The following PYHIN1 variants were observed in gnomAD, a reference collection of about 807,000 sequenced individuals.
The protein encoded by PYHIN1 is pyrin and HIN domain family member 1.
A neutral mutation model predicts 43.7 loss-of-function variants in PYHIN1; 32 were observed. The observed-to-expected ratio is 0.73, with a 90% CI of 0.55 to 0.98. The LOEUF (loss-of-function observed/expected upper bound fraction) is 0.98, where lower values mean the gene tolerates loss of function less well. Among genes scored for constraint, PYHIN1 ranks in the 50% least tolerant of loss-of-function variants. The pLI, the probability that PYHIN1 is intolerant of heterozygous loss-of-function variation, is 0.00. For synonymous variants in PYHIN1, 205 were observed against 203.1 expected (o/e 1.01, Z -0.08); for missense variants, 588 against 589.5 (o/e 1.00, Z 0.03).
downstream of PYHIN1, among the ~76,000 whole-genome samples, chr1:158,978,274 CATAT>C (rs57749637): frequency 0.043 from 6,546 of 150,776 alleles, 474 homozygotes; most frequent in African/African-American, 0.15. Context: ...TGTGTCTATA[CATAT>C]ATATATATAT....
chr1:158,960,731 C>T (rs771167257), intron 7 of PYHIN1, among the ~76,000 whole-genome samples: 1 of 152,158 alleles, frequency 6.6e-6, no homozygotes, highest in Non-Finnish European at 1.5e-5. Flanking sequence ...AAGCCAAAAA[C>T]TCAAATTGAC....
At chr1:158,934,059 T>A (rs1557819892) in intron 1 of PYHIN1, among the ~76,000 whole-genome samples, 1 of 152,164 alleles carries the variant, frequency 6.6e-6, no homozygotes, top group African/African-American at 2.4e-5. Flanking sequence ...TTTAAAATTA[T>A]TTTTTCCTTC....
chr1:158,939,938 A>G (rs1007245891), intron 4 of PYHIN1: 1 of 165,258 alleles, frequency 6.1e-6, no homozygotes, highest in Non-Finnish European at 1.3e-5. Flanking sequence ...TGCTCAACGA[A>G]AAAATGAAAA....
At chr1:158,972,903 T>A (rs1436799098) in intron 7 of PYHIN1, among the ~76,000 whole-genome samples, 1 of 152,108 alleles carries the variant, frequency 6.6e-6, no homozygotes, top group Non-Finnish European at 1.5e-5. Flanking sequence ...TAATTGAGAT[T>A]ATATATGCTA....
intron 7 of PYHIN1, among the ~76,000 whole-genome samples, chr1:158,960,998 A>C (rs1289116222): frequency 6.6e-6 from 1 of 152,200 alleles, no homozygotes; most frequent in Non-Finnish European, 1.5e-5. Flanking sequence ...GAGAAAGGTA[A>C]ACAGGGAGTA....
chr1:158,970,937 G>T (rs571402566), intron 7 of PYHIN1, among the ~76,000 whole-genome samples: 98 of 152,064 alleles, frequency 6.4e-4, no homozygotes, highest in Middle Eastern at 3.4e-3. Flanking sequence ...AGCTAATAAA[G>T]ATAATTAGTA....
chr1:158,982,333 G>T, the PYHIN1 span, among the ~76,000 whole-genome samples: 2 of 151,968 alleles, frequency 1.3e-5, no homozygotes, highest in African/African-American at 2.4e-5. Flanking sequence ...TGAAAGGAAG[G>T]GTTCCAGTTT....
chr1:158,983,414 T>C, the PYHIN1 span, among the ~76,000 whole-genome samples: 18 of 152,200 alleles, frequency 1.2e-4, no homozygotes, highest in African/African-American at 3.6e-4. Flanking sequence ...TTTTTGTTTT[T>C]AGTTCTGTTT....
At chr1:158,952,889 G>A (rs1447472853) in intron 7 of PYHIN1, among the ~76,000 whole-genome samples, 9 of 152,210 alleles carry the variant, frequency 5.9e-5, no homozygotes, top group African/African-American at 1.7e-4. Context: ...GCAGGTCAGT[G>A]GGTGCACGCA....
At chr1:158,939,311 C>A in intron 4 of PYHIN1, 64 bp downstream of exon 4, 1 of 1,583,770 alleles carries the variant, frequency 6.3e-7, no homozygotes, top group Non-Finnish European at 8.6e-7. Context: ...AATCTGATTT[C>A]ATCTTCTACT....
At chr1:158,981,688 T>G (rs1206665274), downstream of PYHIN1, among the ~76,000 whole-genome samples, 2 of 152,168 alleles carry the variant, frequency 1.3e-5, no homozygotes, top group Admixed American at 6.5e-5. Flanking sequence ...GCTAGCTGTA[T>G]GAAGAAAATT....
At chr1:158,938,204 A>C (rs1571721023) in intron 2 of PYHIN1, among the ~76,000 whole-genome samples, 193 bp from the exon 3 acceptor site, 1 of 152,138 alleles carries the variant, frequency 6.6e-6, no homozygotes, top group Non-Finnish European at 1.5e-5. Context: ...AGCACTGAGG[A>C]GTGTGAGTCA....
At chr1:158,946,973 G>A (rs370312312) in intron 7 of PYHIN1, among the ~76,000 whole-genome samples, 6 of 152,234 alleles carry the variant, frequency 3.9e-5, no homozygotes, top group East Asian at 3.9e-4. Context: ...AAACTGCAGT[G>A]AAGAACTCAT....
At chr1:158,941,512 G>T (rs80056961) in intron 4 of PYHIN1, among the ~76,000 whole-genome samples, 2,763 of 152,266 alleles carry the variant, frequency 0.018, 113 homozygotes, top group African/African-American at 0.063. Context: ...GCTAAAAATT[G>T]CCCTGTCTAC....
At chr1:158,952,845 A>G (rs856091) in intron 7 of PYHIN1, among the ~76,000 whole-genome samples, 141,613 of 152,280 alleles carry the variant, frequency 0.93, 66,684 homozygotes, top group East Asian at 1. Flanking sequence ...TGAGGTACCG[A>G]GTTCATCTCA....
At chr1:158,971,361 T>C (rs540745570) in intron 7 of PYHIN1, among the ~76,000 whole-genome samples, 16 of 151,946 alleles carry the variant, frequency 1.1e-4, no homozygotes, top group South Asian at 4.1e-4. Context: ...CTTAAGTGCT[T>C]TCCTTAGTGC....
intron 8 of PYHIN1, among the ~76,000 whole-genome samples, chr1:158,976,355 GCT>G (rs1651255937): frequency 5.3e-5 from 8 of 151,956 alleles, no homozygotes; most frequent in Middle Eastern, 3.4e-3. Context: ...CATTTTGTAC[GCT>G]CCTCCTACCT....
intron 7 of PYHIN1, among the ~76,000 whole-genome samples, chr1:158,945,735 A>C (rs966986512): frequency 6.6e-6 from 1 of 152,228 alleles, no homozygotes; most frequent in African/African-American, 2.4e-5. Context: ...GTAGCACATG[A>C]TATATTTGTA....
chr1:158,960,035 T>G (rs1650236152), intron 7 of PYHIN1, among the ~76,000 whole-genome samples: 2 of 152,236 alleles, frequency 1.3e-5, no homozygotes, highest in Admixed American at 1.3e-4. Context: ...TAAGCTGCAT[T>G]CTGACCCAGC....
Sources: gnomAD v4.1 joint callset for allele counts (sites outside exome capture counted in the v4.1 genomes callset) on GRCh38, gnomAD v4.1.1 for gene constraint, MANE v1.5 for transcripts, NCBI Gene and HGNC (gene_info 2026-07-23, HGNC 2026-07-21) for gene names.